The following ABAT variants were observed in gnomAD, a reference collection of about 807,000 sequenced individuals.
ABAT encodes the protein 4-aminobutyrate aminotransferase, mitochondrial.
In ABAT, 45 loss-of-function variants were observed where a neutral mutation model predicts 64.6. The observed-to-expected ratio is 0.70, with a 90% CI of 0.55 to 0.89. The LOEUF is 0.89. Among genes scored for constraint, ABAT ranks in the 40% least tolerant of loss-of-function variants. The pLI is 0.00. For missense variants in ABAT, 633 were observed against 658.4 expected (o/e 0.96, Z 0.42); for synonymous variants, 297 against 250.5 (o/e 1.19, Z -1.75).
intron 1 of ABAT, among the ~76,000 whole-genome samples, chr16:8,707,271 C>T (rs36138946): frequency 2.0e-5 from 3 of 151,866 alleles, no homozygotes; most frequent in South Asian, 4.2e-4. Flanking sequence ...ACTGCAGCCT[C>T]GACCTCCCAG....
At chr16:8,685,727 A>G (rs1160061808) in intron 1 of ABAT, among the ~76,000 whole-genome samples, 2 of 151,968 alleles carry the variant, frequency 1.3e-5, no homozygotes, top group East Asian at 3.8e-4. Flanking sequence ...ACAAAAAAAC[A>G]AAAAACCAAT....
rs914042629 is a variant in ABAT at position 8,776,123 on chromosome 16, C to G, written c.1123-221C>G. Among the ~76,000 whole-genome samples, 2 of 152,214 alleles carry G rather than the reference C, an allele frequency of 1.3e-5. No individual in the cohort carries two copies. The highest frequency in any genetic ancestry group is 2.9e-5 in the Non-Finnish European group (2 of 68,034). On this transcript the variant is annotated intron_variant, in intron 13 of 15. Transcript: ENST00000268251. The surrounding 1 kb of genome is among the most constrained non-coding windows in gnomAD (Gnocchi z 4.4). ...CCCATAGCAGTTCCTACATGCAGGG[C>G]TGCTGTTGGAAGAATTCAGCAAGAT...
At chr16:8,721,110 A>G (rs776380734) in intron 1 of ABAT, among the ~76,000 whole-genome samples, 11 of 152,214 alleles carry the variant, frequency 7.2e-5, no homozygotes, top group Non-Finnish European at 1.3e-4. Context: ...TGAGGCACAG[A>G]GACGTTACTT....
chr16:8,713,485 G>T, intron 1 of ABAT: 1 of 198,288 alleles, frequency 5.0e-6, no homozygotes, highest in Non-Finnish European at 1.1e-5. Context: ...CTTTGTTTCT[G>T]TGTAGTTGCA....
chr16:8,761,539 G>A (rs2059797943), intron 6 of ABAT, among the ~76,000 whole-genome samples: 1 of 152,200 alleles, frequency 6.6e-6, no homozygotes, highest in Admixed American at 6.5e-5. Context: ...GGGATTTGAT[G>A]GTGAATCCAC....
chr16:8,761,320 C>CT (rs1176626329), intron 6 of ABAT, among the ~76,000 whole-genome samples: 6 of 151,408 alleles, frequency 4.0e-5, no homozygotes, highest in African/African-American at 1.5e-4. Context: ...TTCTCACCCC[C>CT]TCCAAACCGT....
At chr16:8,686,376 G>C (rs1483181059) in intron 1 of ABAT, among the ~76,000 whole-genome samples, 1 of 152,230 alleles carries the variant, frequency 6.6e-6, no homozygotes, top group Non-Finnish European at 1.5e-5. Flanking sequence ...TGGACATTCT[G>C]ACCTGGGGAC....
intron 3 of ABAT, among the ~76,000 whole-genome samples, chr16:8,747,602 C>G (rs1267884741): frequency 6.6e-6 from 1 of 151,998 alleles, no homozygotes; most frequent in African/African-American, 2.4e-5. Context: ...TATTGAATTA[C>G]TTTTGGAATT....
At chr16:8,763,300 C>A (rs1331319957) in intron 6 of ABAT, among the ~76,000 whole-genome samples, 2 of 152,098 alleles carry the variant, frequency 1.3e-5, no homozygotes, top group Admixed American at 6.5e-5. Context: ...CTCTCTGGTC[C>A]TCAGTTCCCC....
chr16:8,726,351 C>T (rs1362165383), intron 1 of ABAT, among the ~76,000 whole-genome samples: 1 of 150,482 alleles, frequency 6.6e-6, no homozygotes, highest in African/African-American at 2.5e-5. Flanking sequence ...ACCTCTGCCT[C>T]CCGGGTTCAA....
At chr16:8,726,973 G>C (rs2058576322) in intron 1 of ABAT, among the ~76,000 whole-genome samples, 1 of 152,100 alleles carries the variant, frequency 6.6e-6, no homozygotes, top group African/African-American at 2.4e-5. Flanking sequence ...GTGCTTGCTT[G>C]CCATTTGTAT....
chr16:8,723,444 C>A (rs945222548), intron 1 of ABAT, among the ~76,000 whole-genome samples: 4 of 152,154 alleles, frequency 2.6e-5, no homozygotes, highest in African/African-American at 9.7e-5. Context: ...TGGCAGCCTG[C>A]ATCTGGGGTT....
At chr16:8,697,508 G>T (rs75268746) in intron 1 of ABAT, among the ~76,000 whole-genome samples, 2,766 of 152,244 alleles carry the variant, frequency 0.018, 75 homozygotes, top group East Asian at 0.11. Context: ...GAAATGCCCG[G>T]AACAGTCCAG....
At chr16:8,774,450 G>A (rs1174849892) in intron 12 of ABAT, among the ~76,000 whole-genome samples, 4 of 151,986 alleles carry the variant, frequency 2.6e-5, no homozygotes, top group African/African-American at 9.7e-5. Flanking sequence ...AAAGTTATAA[G>A]ACGTGAGTTG....
At chr16:8,771,738 G>A (rs557104016) in intron 11 of ABAT, among the ~76,000 whole-genome samples, 1 of 152,218 alleles carries the variant, frequency 6.6e-6, no homozygotes, top group South Asian at 2.1e-4. Flanking sequence ...CAAAGTGCTA[G>A]GATTACAGGT....
At chr16:8,729,390 C>G (rs1261893616) in intron 1 of ABAT, among the ~76,000 whole-genome samples, 5 of 152,162 alleles carry the variant, frequency 3.3e-5, no homozygotes, top group Admixed American at 6.5e-5. Flanking sequence ...TGGGGTCAGA[C>G]AGTCTCAGGT....
Position 8,772,761 on chromosome 16 carries a change from T to C in ABAT, c.817-19T>C. The C allele has an allele frequency of 6.2e-7, 1 of 1,613,960 alleles. No individual in the cohort carries two copies. The highest frequency in any genetic ancestry group is 8.5e-7 in the Non-Finnish European group (1 of 1,179,954). On this transcript the variant is annotated intron_variant, in intron 11 of 15. Coordinates refer to ENST00000268251, the MANE Select transcript of ABAT (RefSeq NM_020686.6). ...ACAAGCCTCTGCCATCGGTGGTCAC[T>C]TTCCCCTTTGGGATCCAGGTGGAGG...
At position 8,783,065 on chromosome 16, in the gene ABAT, A is replaced by C. The variant is rs1220149440; in HGVS notation, c.*1635A>C. On this transcript the variant is annotated 3_prime_UTR_variant, in exon 16 of 16. Coordinates refer to ENST00000268251, the MANE Select transcript of ABAT (RefSeq NM_020686.6). Reference sequence around the variant, plus strand: ...TTGTTCATTTTGCATTCCTGCAGTCAGTGCTAATCCGTCGTTCTTAATCAG... The same window carrying C: ...TTGTTCATTTTGCATTCCTGCAGTCCGTGCTAATCCGTCGTTCTTAATCAG... The C allele has an allele frequency of 6.6e-6, 1 of 152,174 alleles. No individual in the cohort carries two copies. Among genetic ancestry groups the C allele is most frequent in the Non-Finnish European group, 1.5e-5 (1 of 68,044 alleles). The allele number at this position is 152,174 out of a possible 1,614,324, so 9.4% of individuals were successfully genotyped here.
intron 1 of ABAT, among the ~76,000 whole-genome samples, chr16:8,709,097 G>A (rs1436558073): frequency 3.3e-5 from 5 of 151,996 alleles, no homozygotes; most frequent in South Asian, 2.1e-4. Flanking sequence ...TTAACATTTC[G>A]CTAATTAGTT....
Sources: allele counts gnomAD v4.1 joint callset (sites outside exome capture counted in the v4.1 genomes callset), GRCh38; gene constraint gnomAD v4.1.1; non-coding constraint Gnocchi (gnomAD v3.1); transcripts MANE v1.5; gene names NCBI Gene and HGNC (gene_info 2026-07-23, HGNC 2026-07-21).